The following MYH3 variants were observed in gnomAD, a reference collection of about 807,000 sequenced individuals.
The protein encoded by MYH3 is myosin-3.
MYH3 carries 130 observed loss-of-function variants against 238.0 expected under a neutral mutation model. The observed-to-expected ratio is 0.55, with a 90% CI of 0.47 to 0.63. MYH3 has a LOEUF of 0.63. MYH3 is among the 30% of genes least tolerant of loss of function. MYH3 has a pLI of 0.00. For missense variants in MYH3, 1,853 were observed against 2,374.9 expected (o/e 0.78, Z 4.57); for synonymous variants, 880 against 924.1 (o/e 0.95, Z 0.86).
At chr17:10,673,461 CA>C in the MYH3 span, 2 of 152,204 alleles carry the variant, frequency 1.3e-5, no homozygotes, top group Non-Finnish European at 2.9e-5. Flanking sequence ...GTGAGCCATA[CA>C]AAGGCCTGCC....
chr17:10,634,892 C>A lies in MYH3; in HGVS notation c.4304G>T (p.Arg1435Ile), dbSNP rs2074198626. 1.2e-6 allele frequency: 2 copies of A among 1,614,024 alleles called. No homozygotes were observed. The highest frequency in any genetic ancestry group is 2.7e-5 in the African/African-American group (2 of 74,896). ...CAGAGCGGCGGCCAAGGAATTGGCTCTTTCAACATCAACCATCAGATCCTC... is the reference window on the plus strand; with the variant it reads ...CAGAGCGGCGGCCAAGGAATTGGCTATTTCAACATCAACCATCAGATCCTC... Reference protein sequence around the residue: ...EVEDLMVDVERANSLAAALDK... With the variant: ...EVEDLMVDVEIANSLAAALDK... Residue 1435 changes from arginine (R) to isoleucine (I), a missense_variant, in exon 31 of 41, where the codon AGA becomes ATA. Physicochemically the swap from Arg to Ile is moderately conservative, Grantham distance 97. This residue lies in a region of MYH3 where 1,044 missense variants were observed against 1,192.6 expected (regional missense o/e 0.88). Transcript: ENST00000583535.
intron 28 of MYH3, among the ~76,000 whole-genome samples, chr17:10,637,398 C>T (rs1489324780): frequency 6.6e-6 from 1 of 152,170 alleles, no homozygotes; most frequent in Non-Finnish European, 1.5e-5. Context: ...CCTTTAAACA[C>T]TGGCCATGTT....
At chr17:10,649,328 G>A (rs117295536) in intron 7 of MYH3, among the ~76,000 whole-genome samples, 5 of 152,312 alleles carry the variant, frequency 3.3e-5, no homozygotes, top group African/African-American at 9.6e-5. Context: ...TCTCTGAGCC[G>A]TCTGCAGATT....
rs2142426133 is a variant in MYH3 at position 10,652,631 on chromosome 17, T to TC, written c.205-69_205-68insG. The TC allele has an allele frequency of 1.4e-6, 2 of 1,454,008 alleles. 1 individual carries two copies. The highest frequency in any genetic ancestry group is 4.6e-5 in the East Asian group (2 of 43,410). The allele number at this position is 1,454,008 out of a possible 1,614,324, so 90.1% of individuals were successfully genotyped here. ...CGTCTTTTTTTTTTTTTTTTTTTTT[T>TC]TTTTTTTTGAGACGGAGTCTTGCTT... On this transcript the variant is annotated intron_variant, in intron 3 of 40. Transcript: ENST00000583535.
chr17:10,651,112 G>A (rs1218727359), intron 5 of MYH3, among the ~76,000 whole-genome samples: 3 of 148,480 alleles, frequency 2.0e-5, no homozygotes, highest in African/African-American at 7.5e-5. Context: ...TTGAACCCGG[G>A]AGGCAGAGGT....
At chr17:10,668,297 A>T in the MYH3 span, among the ~76,000 whole-genome samples, 11 of 152,206 alleles carry the variant, frequency 7.2e-5, no homozygotes, top group Admixed American at 7.2e-4. Context: ...GAGGAGGCTG[A>T]GGCAGGAGAA....
In MYH3 at chr17:10,633,708, T is replaced by A; in HGVS notation, c.4530A>T (p.Ile1510=). The change falls in exon 33 of 41, where the codon ATA becomes ATT. Residue 1510 remains isoleucine (I), a synonymous_variant. Transcript: ENST00000583535. ...CAGCAATTTGTTCTGTGAGATCTGC[T>A]ATCTCCTCTGTAAAGAAGTAAGTTT... ...KRENKNLEQE[I]ADLTEQIAEN... 1 of 1,614,052 alleles carries A rather than the reference T, an allele frequency of 6.2e-7. No homozygotes were observed. Among genetic ancestry groups the A allele is most frequent in the Non-Finnish European group, 8.5e-7 (1 of 1,180,016 alleles).
intron 28 of MYH3, 82 bp from the exon 29 acceptor site, chr17:10,635,935 T>C: frequency 2.6e-6 from 3 of 1,166,458 alleles, no homozygotes; most frequent in South Asian, 2.5e-5. Context: ...GGCACTGTGC[T>C]AAGATCTGGG....
At chr17:10,658,045 G>A (rs1281968568), upstream of MYH3, among the ~76,000 whole-genome samples, 1 of 152,128 alleles carries the variant, frequency 6.6e-6, no homozygotes, top group Non-Finnish European at 1.5e-5. Flanking sequence ...ACAGCTGCCT[G>A]AGGACCTGTG....
chr17:10,631,492 T>C, intron 36 of MYH3, 119 bp downstream of exon 36: 1 of 1,479,282 alleles, frequency 6.8e-7, no homozygotes, highest in Non-Finnish European at 9.3e-7. Flanking sequence ...ATGGGAGCCC[T>C]CGGGGAGCAG....
Position 10,650,472 on chromosome 17 carries a change from A to G in MYH3, c.506-71T>C. The G allele has an allele frequency of 3.6e-6, 5 of 1,402,040 alleles. No individual in the cohort carries two copies. In the South Asian group the frequency reaches 5.9e-5, roughly 17 times the overall value. 86.8% of individuals were successfully genotyped at this position (1,402,040 alleles called of 1,614,324 possible). A position where few individuals can be genotyped will look rare whatever the true frequency, so the allele number is the denominator to read the frequency against. ...AGCTTCCCGATTCTACCCAACTCTC[A>G]AGTAGCCAGAGTTAAATTGCACAAT... is the stretch of plus-strand genomic sequence containing the variant. On this transcript the variant is annotated intron_variant, in intron 5 of 40. Coordinates refer to ENST00000583535, the MANE Select transcript of MYH3 (RefSeq NM_002470.4).
chr17:10,669,437 C>T, the MYH3 span, among the ~76,000 whole-genome samples: 2 of 151,948 alleles, frequency 1.3e-5, no homozygotes, highest in Non-Finnish European at 2.9e-5. Flanking sequence ...CCTGTAATCC[C>T]AGCTACTCAG....
At position 10,631,594 on chromosome 17, in the gene MYH3, G is replaced by A; in HGVS notation, c.5286+17C>T. On this transcript the variant is annotated intron_variant, in intron 36 of 40. Transcript: ENST00000583535. ...CAATCCCGGCAGCCCGAGGGCAGCA[G>A]GAAGGAGACGCCTTACGTCCGTGAT... 1 of 1,614,156 alleles carries A rather than the reference G, an allele frequency of 6.2e-7. No individual in the cohort carries two copies. Among genetic ancestry groups the A allele is most frequent in the Non-Finnish European group, 8.5e-7 (1 of 1,180,028 alleles).
At chr17:10,665,089 T>A in the MYH3 span, among the ~76,000 whole-genome samples, 1 of 152,026 alleles carries the variant, frequency 6.6e-6, no homozygotes, top group African/African-American at 2.4e-5. Context: ...ATTTGGGAGG[T>A]AGGGGTTGGT....
chr17:10,650,930 T>C (rs979226895), intron 5 of MYH3, among the ~76,000 whole-genome samples: 2 of 152,074 alleles, frequency 1.3e-5, no homozygotes, highest in Non-Finnish European at 2.9e-5. Context: ...GGCTCATGCC[T>C]GTAATCCCAG....
rs1261343107 is a variant in MYH3, at chr17:10,645,844, C to T, written c.1004G>A (p.Ser335Asn). Reference sequence around the variant, plus strand: ...GGTGAAGCCCAGGATGTCAATGGCGCTCTGGCATGGAAAGGGCAGCACGTC... The same window carrying T: ...GGTGAAGCCCAGGATGTCAATGGCGTTCTGGCATGGAAAGGGCAGCACGTC... ...DDAEELLATD[S>N]AIDILGFTPE... Residue 335 changes from serine to asparagine, a missense_variant and splice_region_variant, in exon 12 of 41, where the codon AGC becomes AAC. By Grantham distance (46) the Ser-to-Asn change is conservative. Around this residue, in one of 3 missense-constraint regions of MYH3, gnomAD observed 678 missense variants for 1,058.9 expected, o/e 0.64. Transcript: ENST00000583535. The T allele has an allele frequency of 1.9e-6, 3 of 1,613,956 alleles. No homozygotes were observed. The highest frequency in any genetic ancestry group is 3.3e-5 in the Admixed American group (2 of 59,992).
the MYH3 span, among the ~76,000 whole-genome samples, chr17:10,670,332 A>G: frequency 6.6e-6 from 1 of 152,220 alleles, no homozygotes; most frequent in African/African-American, 2.4e-5. The surrounding 1 kb of genome is among the most constrained non-coding windows in gnomAD (Gnocchi z 7.0). Context: ...CGGCTTCATA[A>G]TCATACTTAG....
At position 10,649,627 on chromosome 17, in the gene MYH3, T is replaced by C; in HGVS notation, c.592A>G (p.Thr198Ala). ...GCCAGGTCCCCAGTAGCTGCAATTG[T>C]TGCAAAGTACTGGATGACCCGTTTG... The part of the protein sequence containing the change: ...NTKRVIQYFA[T>A]IAATGDLAKK... The change falls in exon 7 of 41, where the codon ACA (threonine) becomes GCA (alanine). Residue 198 changes from threonine (T) to alanine (A), a missense_variant. Thr to Ala is a moderately conservative substitution (Grantham distance 58). Transcript: ENST00000583535. 1 of 1,614,254 alleles carries C rather than the reference T, an allele frequency of 6.2e-7. No individual in the cohort carries two copies. The highest frequency in any genetic ancestry group is 1.3e-5 in the African/African-American group (1 of 75,072).
intron 10 of MYH3, 58 bp from the exon 11 acceptor site, chr17:10,646,090 T>C (rs1446616683): frequency 6.9e-7 from 1 of 1,442,462 alleles, no homozygotes; most frequent in Admixed American, 1.8e-5. Flanking sequence ...ACCCACCCAG[T>C]GGACTTGAGC....
Sources: gnomAD v4.1 joint callset for allele counts (sites outside exome capture counted in the v4.1 genomes callset) on GRCh38, gnomAD v4.1.1 for gene constraint, gnomAD v4.1.1 regional missense constraint, Gnocchi (gnomAD v3.1) non-coding constraint, MANE v1.5 for transcripts, NCBI Gene and HGNC (gene_info 2026-07-23, HGNC 2026-07-21) for gene names.